Variants in C1QBP observed in about 807,000 individuals in gnomAD.
C1QBP encodes complement C1q binding protein.
Under a neutral mutation model 29.4 loss-of-function variants are expected in C1QBP, and 24 were observed. That is an observed-to-expected ratio of 0.82 (90% confidence interval 0.59 to 1.15). The LOEUF (loss-of-function observed/expected upper bound fraction) is 1.15. C1QBP is among the 50% of genes most tolerant of loss of function. The pLI is 0.00. For missense variants in C1QBP, 337 were observed against 355.8 expected (o/e 0.95, Z 0.43); for synonymous variants, 182 against 149.2 (o/e 1.22, Z -1.60).
rs765758522 is a variant in C1QBP at position 5,438,820 on chromosome 17, C to G, written c.232+22G>C. 1.0e-5 allele frequency: 16 copies of G among 1,547,302 alleles called. No homozygotes were observed. In the South Asian group the frequency reaches 1.7e-4, roughly 16 times the overall value. On this transcript the variant is annotated intron_variant, in intron 1 of 5. Coordinates refer to ENST00000225698, the MANE Select transcript of C1QBP (RefSeq NM_001212.4). ...TTCCCTCTGTTGAACGCAAACCACA[C>G]CCCCGGCCCGCTAAACCTCACCGTC...
chr17:5,435,470 T>TG (rs1396273040), intron 2 of C1QBP, among the ~76,000 whole-genome samples: 1 of 152,084 alleles, frequency 6.6e-6, no homozygotes, highest in African/African-American at 2.4e-5. Flanking sequence ...AGGGTGCCTC[T>TG]GCTAAACACC....
In C1QBP at chr17:5,433,433, T is replaced by C. The variant is rs370270991; in HGVS notation, c.577-18A>G. ...TGTCCAACCTGAGAAGAAACAATATTGGGAAACTGAAGGGTTCTCCAGGAC... is the reference window on the plus strand; with the variant it reads ...TGTCCAACCTGAGAAGAAACAATATCGGGAAACTGAAGGGTTCTCCAGGAC... On this transcript the variant is annotated intron_variant, in intron 4 of 5. Transcript: ENST00000225698. The C allele has an allele frequency of 9.4e-5, 151 of 1,613,960 alleles. No individual in the cohort carries two copies. The highest frequency in any genetic ancestry group is 1.1e-4 in the Non-Finnish European group (129 of 1,180,020).
rs1453748699 is a variant in C1QBP at position 5,439,118 on chromosome 17, G to C, written c.-45C>G. On this transcript the variant is annotated 5_prime_UTR_variant, in exon 1 of 6. Coordinates refer to ENST00000225698, the MANE Select transcript of C1QBP (RefSeq NM_001212.4). Reference sequence around the variant, plus strand: ...ACGTGCAGATGCAAAGGACAACCCAGGCCTAGGCGCCCCGCGACCTGAGGC... The same window carrying C: ...ACGTGCAGATGCAAAGGACAACCCACGCCTAGGCGCCCCGCGACCTGAGGC... 1.3e-5 allele frequency: 20 copies of C among 1,535,518 alleles called. No individual in the cohort carries two copies. The highest frequency in any genetic ancestry group is 1.3e-4 in the East Asian group (5 of 39,566).
Position 5,434,957 on chromosome 17 carries a change from G to C in C1QBP, c.393C>G (p.Val131=). ...GGATGCTGTTGTTAATGTTGAAAGT[G>C]ACCGTGATTCTAAAACGGCAAGGGA... The part of the protein sequence containing the change: ...VRKVAGEKIT[V]TFNINNSIPP... The change falls in exon 3 of 6, where the codon GTC becomes GTG. Residue 131 remains valine, a synonymous_variant. Transcript: ENST00000225698. The C allele has an allele frequency of 1.9e-6, 3 of 1,613,876 alleles. No individual in the cohort carries two copies. The highest frequency in any genetic ancestry group is 1.7e-6 in the Non-Finnish European group (2 of 1,179,832).
chr17:5,438,963 C>T lies in C1QBP; in HGVS notation c.111G>A (p.Arg37=). ...GCAGCCCGAAGGGCCGGGTGCACAG[C>T]CGGGGTGCCGGCTGCAGGAGCTGCC... The part of the protein sequence containing the change: ...PFRQLLQPAP[R]LCTRPFGLLS... The change falls in exon 1 of 6, where the codon CGG becomes CGA. Residue 37 remains arginine, a synonymous_variant. Coordinates refer to ENST00000225698, the MANE Select transcript of C1QBP (RefSeq NM_001212.4). 6.7e-7 allele frequency: 1 copy of T among 1,502,444 alleles called. No individual in the cohort carries two copies. The highest frequency in any genetic ancestry group is 8.9e-7 in the Non-Finnish European group (1 of 1,128,268). 93.1% of individuals were successfully genotyped at this position (1,502,444 alleles called of 1,614,324 possible). A position where few individuals can be genotyped will look rare whatever the true frequency, so the allele number is the denominator to read the frequency against.
intron 1 of C1QBP, 64 bp from the exon 2 acceptor site, chr17:5,438,337 C>G: frequency 6.4e-7 from 1 of 1,566,358 alleles, no homozygotes; most frequent in Non-Finnish European, 8.6e-7. Context: ...AAACTATTAC[C>G]CAGGTTATTG....
chr17:5,434,115 T>TC (rs1916189599), intron 3 of C1QBP: 1 of 274,130 alleles, frequency 3.6e-6, no homozygotes, highest in African/African-American at 2.2e-5. Context: ...AGCTTGACTG[T>TC]TCCAGGAGTC....
intron 2 of C1QBP, among the ~76,000 whole-genome samples, chr17:5,437,272 C>T (rs1384298143): frequency 1.3e-5 from 2 of 152,120 alleles, no homozygotes; most frequent in Non-Finnish European, 2.9e-5. Flanking sequence ...TCAATTAAAT[C>T]TCATAAAAGC....
Position 5,438,215 on chromosome 17 carries a change from C to T in C1QBP, c.291G>A (p.Gln97=), listed in dbSNP as rs150276684. 158 of 1,614,018 alleles carry T rather than the reference C, an allele frequency of 9.8e-5. No homozygotes were observed. Among genetic ancestry groups the T allele is most frequent in the Non-Finnish European group, 1.3e-4 (151 of 1,180,026 alleles). The part of the protein sequence containing the change: ...SDEIKEERKI[Q]KHKTLPKMSG... ...ACATCTTAGGGAGGGTTTTATGCTT[C>T]TGAATTTTTCTTTCCTCCTTAATTT... Residue 97 remains glutamine (Q), a synonymous_variant, in exon 2 of 6, where the codon CAG becomes CAA. Transcript: ENST00000225698.
At position 5,434,786 on chromosome 17, in the gene C1QBP, GAAAGACCAAAGAAAAACGCTCCTCC is replaced by G. The variant is rs1036504693; in HGVS notation, c.477+62_477+86del. 3 of 1,197,970 alleles carry G rather than the reference GAAAGACCAAAGAAAAACGCTCCTCC, an allele frequency of 2.5e-6. No individual in the cohort carries two copies. In the Admixed American group the frequency reaches 6.9e-5, roughly 28 times the overall value. 74.2% of individuals were successfully genotyped at this position (1,197,970 alleles called of 1,614,324 possible). A position where few individuals can be genotyped will look rare whatever the true frequency, so the allele number is the denominator to read the frequency against. On this transcript the variant is annotated intron_variant, in intron 3 of 5. Transcript: ENST00000225698. The stretch of plus-strand genomic sequence containing the variant: ...GGACTTAGAGGAATTTTTTTTTTTT[GAAAGACCAAAGAAAAACGCTCCTCC>G]TCTAAGCCCCAGGCACAGCCTGTCA...
intron 5 of C1QBP, 25 bp from the exon 6 acceptor site, chr17:5,433,189 TAAA>T (rs200276588): frequency 1.2e-6 from 2 of 1,600,926 alleles, no homozygotes; most frequent in African/African-American, 2.7e-5. Flanking sequence ...ATTTACTAGT[TAAA>T]AAAAAATCTG....
chr17:5,438,624 G>C, intron 1 of C1QBP: 1 of 973,192 alleles, frequency 1.0e-6, no homozygotes, highest in Non-Finnish European at 1.5e-6. Flanking sequence ...AAGGAAAAAG[G>C]TACCCTAGTA....
In C1QBP at chr17:5,433,373, T is replaced by C. The variant is rs1257402361; in HGVS notation, c.619A>G (p.Arg207Gly). The change falls in exon 5 of 6, where the codon AGG (arginine) becomes GGG (glycine). Residue 207 changes from arginine (R) to glycine (G), a missense_variant. Coordinates refer to ENST00000225698, the MANE Select transcript of C1QBP (RefSeq NM_001212.4). ...DEAESDIFSI[R>G]EVSFQSTGES... ...CCAGTGGACTGAAAGCTAACTTCCC[T>C]GATAGAGAAGATGTCACTCTCAGCC... 1.2e-6 allele frequency: 2 copies of C among 1,614,048 alleles called. No homozygotes were observed. The highest frequency in any genetic ancestry group is 1.7e-6 in the Non-Finnish European group (2 of 1,180,040).
rs757169737 is a variant in C1QBP at position 5,433,634 on chromosome 17, G to A, written c.576+35C>T. 5 of 1,598,040 alleles carry A rather than the reference G, an allele frequency of 3.1e-6. No individual in the cohort carries two copies. The African/African-American group carries it at 6.7e-5, about 21-fold the overall frequency. ...TTCCCAAGGGACACACTGTTCCCCA[G>A]GGGTGCCAAGAGGCTAGCACTCCAT... is the stretch of plus-strand genomic sequence containing the variant. On this transcript the variant is annotated intron_variant, in intron 4 of 5. Transcript: ENST00000225698.
rs575728394 is a variant in C1QBP at position 5,438,905 on chromosome 17, C to T, written c.169G>A (p.Gly57Ser). ...SVRAGSERRP[G>S]LLRPRGPCAC... Reference sequence around the variant, plus strand: ...CAGGGTCCGCGAGGCCGCAGGAGGCCCGGCCGCCGCTCGGAACCTGCGCGC... The same window carrying T: ...CAGGGTCCGCGAGGCCGCAGGAGGCTCGGCCGCCGCTCGGAACCTGCGCGC... Residue 57 changes from glycine to serine, a missense_variant, in exon 1 of 6, where the codon GGC becomes AGC. By Grantham distance (56) the Gly-to-Ser change is moderately conservative. Coordinates refer to ENST00000225698, the MANE Select transcript of C1QBP (RefSeq NM_001212.4). 7.2e-4 allele frequency: 1,109 copies of T among 1,539,794 alleles called. 10 individuals are homozygous for T. The African/African-American group carries it at 0.014, about 20-fold the overall frequency.
intron 3 of C1QBP, among the ~76,000 whole-genome samples, chr17:5,434,331 T>C (rs374153471): frequency 1.9e-3 from 283 of 152,340 alleles, no homozygotes; most frequent in African/African-American, 6.5e-3. Flanking sequence ...CTGATGGCTC[T>C]TGGGCAGAAT....
chr17:5,435,068 C>G (rs1916234691), intron 2 of C1QBP, 102 bp from the exon 3 acceptor site: 2 of 1,020,602 alleles, frequency 2.0e-6, no homozygotes, highest in Admixed American at 3.6e-5. Context: ...GTTAAAAAGG[C>G]GTATTGAAAC....
intron 1 of C1QBP, chr17:5,438,574 A>C (rs1916335918): frequency 1.3e-6 from 1 of 750,494 alleles, no homozygotes; most frequent in Admixed American, 3.1e-5. Context: ...AACCACGACC[A>C]TGGGCCTTCC....
intron 4 of C1QBP, 55 bp downstream of exon 4, chr17:5,433,614 A>C (rs1916171544): frequency 6.4e-7 from 1 of 1,573,152 alleles, no homozygotes; most frequent in Non-Finnish European, 8.7e-7. Context: ...GGAAGTTCCC[A>C]AGGGACACAC....
Sources: gnomAD v4.1 joint callset for allele counts (sites outside exome capture counted in the v4.1 genomes callset) on GRCh38, gnomAD v4.1.1 for gene constraint, MANE v1.5 for transcripts, NCBI Gene and HGNC (gene_info 2026-07-23, HGNC 2026-07-21) for gene names.